Variants in TENM3 observed in about 807,000 individuals in gnomAD.
The protein encoded by TENM3 is teneurin-3.
TENM3 carries 63 observed loss-of-function variants against 255.1 expected under a neutral mutation model. That is an observed-to-expected ratio of 0.25 (90% CI 0.20 to 0.30). The LOEUF (loss-of-function observed/expected upper bound fraction) is 0.30. TENM3 is among the 10% of genes least tolerant of loss of function. The pLI is 1.00. For synonymous variants in TENM3, 1,306 were observed against 1,322.3 expected, an observed-to-expected ratio of 0.99 and a Z score of 0.27; for missense variants, 2,929 against 3,461.1, an observed-to-expected ratio of 0.85 and a Z score of 3.86.
At chr4:182,276,577 G>C (rs956296346) in intron 1 of TENM3, among the ~76,000 whole-genome samples, 1 of 152,112 alleles carries the variant, frequency 6.6e-6, no homozygotes, top group Non-Finnish European at 1.5e-5. Context: ...AATCATCAAA[G>C]GTCTTTTCCC....
the TENM3 span, among the ~76,000 whole-genome samples, chr4:182,066,585 T>G: frequency 1.1e-4 from 5 of 45,802 alleles, no homozygotes; most frequent in East Asian, 0.013. Context: ...AAGTAAGAAT[T>G]ATGGTAAAAA....
chr4:182,355,904 A>G (rs962556390), intron 3 of TENM3, among the ~76,000 whole-genome samples: 3 of 148,796 alleles, frequency 2.0e-5, no homozygotes, highest in East Asian at 1.9e-4. Flanking sequence ...AGCCAATTAT[A>G]TATATATTAT....
At chr4:181,988,275 A>G in the TENM3 span, among the ~76,000 whole-genome samples, 1 of 152,100 alleles carries the variant, frequency 6.6e-6, no homozygotes, top group South Asian at 2.1e-4. Context: ...ATCATAGCCT[A>G]GTTCTCTCCA....
chr4:181,508,431 C>T, the TENM3 span, among the ~76,000 whole-genome samples: 8 of 152,308 alleles, frequency 5.3e-5, no homozygotes, highest in East Asian at 1.9e-4. Context: ...TGATCAGCAG[C>T]TGACATTATT....
the TENM3 span, among the ~76,000 whole-genome samples, chr4:181,510,496 AC>A: frequency 5.0e-3 from 757 of 152,338 alleles, 6 homozygotes; most frequent in Non-Finnish European, 8.6e-3. Flanking sequence ...TAAACACGAA[AC>A]AAAACAAATT....
chr4:181,813,465 G>A, the TENM3 span, among the ~76,000 whole-genome samples: 1 of 152,206 alleles, frequency 6.6e-6, no homozygotes, highest in African/African-American at 2.4e-5. Context: ...TAGGTTGTTT[G>A]AGGAAGAGAA....
intron 2 of TENM3, among the ~76,000 whole-genome samples, chr4:182,337,908 G>T (rs368929946): frequency 6.8e-4 from 104 of 152,216 alleles, no homozygotes; most frequent in African/African-American, 2.4e-3. Context: ...ATTTATATAA[G>T]GTTCAAGAAC....
At chr4:182,025,755 C>T in the TENM3 span, among the ~76,000 whole-genome samples, 102,044 of 151,934 alleles carry the variant, frequency 0.67, 35,283 homozygotes, top group South Asian at 0.79. Context: ...TAGTTTTGAT[C>T]TGCATTTCTA....
At chr4:181,493,181 A>G in the TENM3 span, among the ~76,000 whole-genome samples, 1 of 151,964 alleles carries the variant, frequency 6.6e-6, no homozygotes, top group Non-Finnish European at 1.5e-5. Context: ...CTTTAATCTC[A>G]ATATTTTGGG....
intron 1 of TENM3, among the ~76,000 whole-genome samples, chr4:182,238,092 A>C (rs1321395666): frequency 6.6e-6 from 1 of 152,204 alleles, no homozygotes; most frequent in Non-Finnish European, 1.5e-5. Context: ...ACAATGAATA[A>C]ATGAAGGAGT....
chr4:182,042,342 G>A, the TENM3 span, among the ~76,000 whole-genome samples: 1 of 151,952 alleles, frequency 6.6e-6, no homozygotes, highest in Non-Finnish European at 1.5e-5. Flanking sequence ...ATATTCTGAG[G>A]GCTTTCCATA....
the TENM3 span, among the ~76,000 whole-genome samples, chr4:181,503,412 T>C: frequency 6.6e-6 from 1 of 152,334 alleles, no homozygotes; most frequent in Non-Finnish European, 1.5e-5. Flanking sequence ...CAGTGACATA[T>C]AGTTTGTAGC....
rs1252519494 is a variant in TENM3, at chr4:182,384,396, G to T, written c.511+37467G>T. Among the ~76,000 whole-genome samples the T allele has an allele frequency of 4.6e-5, 7 of 151,776 alleles. 1 individual carries two copies. In the East Asian group the frequency reaches 1.4e-3, roughly 29 times the overall value. On this transcript the variant is annotated intron_variant, in intron 3 of 27. Coordinates refer to ENST00000511685, the MANE Select transcript of TENM3 (RefSeq NM_001080477.4). ...AAAATTACAGAGTAGACGCAGGTAG[G>T]TGTCACTGAGGAGTTTTATTATGTA...
At chr4:182,128,758 G>A in the TENM3 span, among the ~76,000 whole-genome samples, 1 of 152,030 alleles carries the variant, frequency 6.6e-6, no homozygotes, top group East Asian at 1.9e-4. Flanking sequence ...CATTAAATAG[G>A]TAATAATTGT....
At chr4:181,791,253 G>T in the TENM3 span, among the ~76,000 whole-genome samples, 1 of 152,226 alleles carries the variant, frequency 6.6e-6, no homozygotes, top group Non-Finnish European at 1.5e-5. Context: ...GGTATTTATT[G>T]TTTCGATTGC....
chr4:182,360,235 G>C (rs1293430920), intron 3 of TENM3, among the ~76,000 whole-genome samples: 1 of 129,384 alleles, frequency 7.7e-6, no homozygotes, highest in Admixed American at 8.3e-5. Context: ...TGTCTATTAG[G>C]TCCGCTTGGT....
chr4:182,278,344 G>T (rs991396138), intron 1 of TENM3, among the ~76,000 whole-genome samples: 7 of 151,890 alleles, frequency 4.6e-5, no homozygotes, highest in African/African-American at 1.5e-4. Context: ...TCCAGCCTGG[G>T]CAACAAGAGC....
At chr4:181,509,675 A>T in the TENM3 span, among the ~76,000 whole-genome samples, 698 of 152,340 alleles carry the variant, frequency 4.6e-3, 1 homozygote, top group African/African-American at 0.014. Context: ...CCTAAGTGGA[A>T]TGATTTCAGT....
the TENM3 span, among the ~76,000 whole-genome samples, chr4:181,913,159 G>T: frequency 1.3e-5 from 2 of 152,226 alleles, no homozygotes; most frequent in Non-Finnish European, 2.9e-5. Context: ...GAACCAATGC[G>T]GGAATGAAAT....
Sources: gnomAD v4.1 joint callset for allele counts (sites outside exome capture counted in the v4.1 genomes callset) on GRCh38, gnomAD v4.1.1 for gene constraint, MANE v1.5 for transcripts, NCBI Gene and HGNC (gene_info 2026-07-23, HGNC 2026-07-21) for gene names.